ADAM23: variants seen among roughly 807,000 people sequenced by gnomAD.
The protein encoded by ADAM23 is disintegrin and metalloproteinase domain-containing protein 23.
In ADAM23, 33 loss-of-function variants were observed where a neutral mutation model predicts 120.1. That is an observed-to-expected ratio of 0.27 (90% CI 0.21 to 0.37). ADAM23 has a LOEUF of 0.37. Among genes scored for constraint, ADAM23 ranks in the 10% least tolerant of loss-of-function variants. The pLI is 1.00. For missense variants in ADAM23, 862 were observed against 1,058.2 expected, an observed-to-expected ratio of 0.81 and a Z score of 2.57; for synonymous variants, 367 against 375.2, an observed-to-expected ratio of 0.98 and a Z score of 0.25.
At chr2:206,477,354 T>A (rs1695794746) in intron 2 of ADAM23, among the ~76,000 whole-genome samples, 1 of 152,202 alleles carries the variant, frequency 6.6e-6, no homozygotes, top group Admixed American at 6.5e-5. Flanking sequence ...TCAGAGCTCC[T>A]GTAATTTCCC....
chr2:206,464,591 A>G (rs11886726), intron 2 of ADAM23, among the ~76,000 whole-genome samples: 1 of 151,884 alleles, frequency 6.6e-6, no homozygotes, highest in Non-Finnish European at 1.5e-5. Context: ...AAATAATAAT[A>G]ATAATAAAAA....
At chr2:206,448,902 C>T (rs1477028200) in intron 2 of ADAM23, among the ~76,000 whole-genome samples, 4 of 152,098 alleles carry the variant, frequency 2.6e-5, no homozygotes, top group Admixed American at 6.6e-5. Flanking sequence ...TTCTGTGAAC[C>T]GCTCTAGCAA....
intron 25 of ADAM23, 111 bp downstream of exon 25, chr2:206,610,111 T>G: frequency 2.2e-6 from 2 of 924,876 alleles, no homozygotes; most frequent in Non-Finnish European, 3.1e-6. Context: ...TCAGTCAAAC[T>G]GCAAAAAATA....
chr2:206,556,625 C>A (rs1697648596), intron 9 of ADAM23, among the ~76,000 whole-genome samples: 1 of 152,124 alleles, frequency 6.6e-6, no homozygotes, highest in South Asian at 2.1e-4. Flanking sequence ...CTACTCCTTG[C>A]TAAAAACGTA....
intron 3 of ADAM23, 123 bp from the exon 4 acceptor site, chr2:206,530,762 A>G: frequency 4.8e-6 from 2 of 417,294 alleles, no homozygotes; most frequent in Middle Eastern, 5.0e-4. Flanking sequence ...TTGTTTCTGT[A>G]CTAACCATGG....
chr2:206,498,967 A>G (rs1696320223), intron 3 of ADAM23, among the ~76,000 whole-genome samples: 1 of 152,214 alleles, frequency 6.6e-6, no homozygotes, highest in African/African-American at 2.4e-5. Flanking sequence ...CACCAGTTAG[A>G]ATGGCGATCA....
chr2:206,615,865 G>C (rs1179917663), intron 25 of ADAM23, among the ~76,000 whole-genome samples: 1 of 152,228 alleles, frequency 6.6e-6, no homozygotes, highest in Non-Finnish European at 1.5e-5. Context: ...CCATTTAAAA[G>C]TGGACTGCAT....
chr2:206,498,088 T>C (rs1003284127), intron 3 of ADAM23, among the ~76,000 whole-genome samples: 1 of 152,122 alleles, frequency 6.6e-6, no homozygotes, highest in Non-Finnish European at 1.5e-5. Context: ...AGGTAATTTA[T>C]AGATTCAATG....
chr2:206,526,001 A>G (rs1468565369), intron 3 of ADAM23, among the ~76,000 whole-genome samples: 1 of 152,150 alleles, frequency 6.6e-6, no homozygotes, highest in Non-Finnish European at 1.5e-5. Context: ...TAACTTTTCC[A>G]ATTATTAGAA....
Position 206,445,316 on chromosome 2 carries a change from G to A in ADAM23, c.224G>A (p.Trp75Ter), listed in dbSNP as rs1277160532. Residue 75 changes from tryptophan to a stop codon, truncating the protein, a stop_gained, in exon 2 of 26, where the codon TGG (tryptophan) becomes TAG (stop). Transcript: ENST00000264377. LOFTEE classifies it high-confidence loss of function. ...WGAAAPSAPHWNETAEKNLGV... is the reference protein window; with the variant it reads ...WGAAAPSAPH ...CCCCTACCTCCACCAGCTCCGCATT[G>A]GAATGAAACTGCAGAAAAAAATTTG... 6.2e-7 allele frequency: 1 copy of A among 1,613,320 alleles called. No homozygotes were observed. Among genetic ancestry groups the A allele is most frequent in the Non-Finnish European group, 8.5e-7 (1 of 1,179,688 alleles).
At chr2:206,499,860 A>G (rs1372150833) in intron 3 of ADAM23, among the ~76,000 whole-genome samples, 1 of 152,096 alleles carries the variant, frequency 6.6e-6, no homozygotes, top group Non-Finnish European at 1.5e-5. Context: ...CTATGAAAAA[A>G]TGAGCAAACC....
At chr2:206,584,049 G>A (rs1698273333) in intron 18 of ADAM23, among the ~76,000 whole-genome samples, 1 of 152,156 alleles carries the variant, frequency 6.6e-6, no homozygotes, top group Non-Finnish European at 1.5e-5. Flanking sequence ...TCCCACGGGT[G>A]TTCCCTTGAT....
chr2:206,547,270 TA>T (rs1697417496), intron 6 of ADAM23, among the ~76,000 whole-genome samples, 158 bp from the exon 7 acceptor site: 2 of 152,218 alleles, frequency 1.3e-5, no homozygotes, highest in African/African-American at 4.8e-5. Flanking sequence ...TATTTAAAAT[TA>T]AGATTTCAAT....
intron 1 of ADAM23, among the ~76,000 whole-genome samples, chr2:206,445,073 A>G (rs1371352464): frequency 6.6e-6 from 1 of 151,598 alleles, no homozygotes; most frequent in Non-Finnish European, 1.5e-5. Flanking sequence ...ATCAAAATAA[A>G]TAGTGCACAG....
rs1478563265 is a variant in ADAM23, at chr2:206,450,267, C to T, written c.432+4743C>T. ...GGAACATGGGGAAAAGATTTCCCTT[C>T]TGGAAGTTTCTTTAGCAAGCCTAGA... On this transcript the variant is annotated intron_variant, in intron 2 of 25. Transcript: ENST00000264377. Among the ~76,000 whole-genome samples the T allele has an allele frequency of 1.3e-5, 2 of 152,200 alleles. 1 individual carries two copies. Among genetic ancestry groups the T allele is most frequent in the East Asian group, 3.8e-4 (2 of 5,198 alleles).
chr2:206,515,191 C>T (rs1574507793), intron 3 of ADAM23, among the ~76,000 whole-genome samples: 1 of 152,058 alleles, frequency 6.6e-6, no homozygotes, highest in East Asian at 1.9e-4. Context: ...ATATGGGAGT[C>T]AGAAAAGGAA....
chr2:206,611,910 C>T (rs1489164258), intron 25 of ADAM23, among the ~76,000 whole-genome samples: 1 of 152,166 alleles, frequency 6.6e-6, no homozygotes, highest in African/African-American at 2.4e-5. Flanking sequence ...AGATGAGAAA[C>T]AGCCTTTGCT....
At chr2:206,585,085 A>T (rs1275849098) in intron 18 of ADAM23, among the ~76,000 whole-genome samples, 1 of 152,174 alleles carries the variant, frequency 6.6e-6, no homozygotes, top group Non-Finnish European at 1.5e-5. Context: ...TGGGTCCTGC[A>T]GGAGCAGTCT....
chr2:206,554,809 C>T (rs1697608671), intron 9 of ADAM23, among the ~76,000 whole-genome samples: 1 of 152,096 alleles, frequency 6.6e-6, no homozygotes, highest in Admixed American at 6.6e-5. Context: ...CTACTAAACC[C>T]TAGGTGTCCA....
Sources: gnomAD v4.1 joint callset for allele counts (sites outside exome capture counted in the v4.1 genomes callset) on GRCh38, gnomAD v4.1.1 for gene constraint, MANE v1.5 for transcripts, NCBI Gene and HGNC (gene_info 2026-07-23, HGNC 2026-07-21) for gene names.